Variants in RARB observed in about 807,000 individuals in gnomAD.
The protein encoded by RARB is retinoic acid receptor beta.
In RARB, 17 loss-of-function variants were observed where a neutral mutation model predicts 51.9. That is an observed-to-expected ratio of 0.33 (90% CI 0.22 to 0.49). RARB has a LOEUF of 0.49. Ranked by LOEUF, RARB falls within the 20% of genes least tolerant of loss-of-function variation. The pLI is 0.99. For missense variants in RARB, 369 were observed against 550.8 expected, an observed-to-expected ratio of 0.67 and a Z score of 3.30; for synonymous variants, 215 against 195.4, an observed-to-expected ratio of 1.10 and a Z score of -0.84.
intron 3 of RARB, among the ~76,000 whole-genome samples, chr3:25,548,972 A>G (rs1243355911): frequency 6.6e-6 from 1 of 151,948 alleles, no homozygotes; most frequent in Non-Finnish European, 1.5e-5. Flanking sequence ...AAGAGACCTG[A>G]CTCACGTTAG....
At chr3:25,586,464 G>C (rs1236358334) in intron 5 of RARB, among the ~76,000 whole-genome samples, 1 of 152,180 alleles carries the variant, frequency 6.6e-6, no homozygotes, top group African/African-American at 2.4e-5. Context: ...ATGAGCAAAT[G>C]AATTAAAAGT....
chr3:25,207,512 T>C (rs1206111277), intron 5 of RARB, among the ~76,000 whole-genome samples: 1 of 152,198 alleles, frequency 6.6e-6, no homozygotes, highest in Non-Finnish European at 1.5e-5. Flanking sequence ...AAATTGACCA[T>C]TTTTGACAAG....
chr3:25,120,563 C>CTCTT (rs66856503), intron 3 of RARB, among the ~76,000 whole-genome samples: 1 of 150,714 alleles, frequency 6.6e-6, no homozygotes, highest in African/African-American at 2.5e-5. Flanking sequence ...CTCTCTCTCT[C>CTCTT]GATATGCCTA....
intron 5 of RARB, among the ~76,000 whole-genome samples, chr3:25,332,630 C>G (rs895865703): frequency 6.6e-6 from 1 of 152,152 alleles, no homozygotes; most frequent in Non-Finnish European, 1.5e-5. Flanking sequence ...CAGGGATGAC[C>G]TCTCTCACCA....
At chr3:25,099,854 A>G (rs1341582106) in intron 3 of RARB, among the ~76,000 whole-genome samples, 3 of 152,162 alleles carry the variant, frequency 2.0e-5, no homozygotes, top group Admixed American at 6.6e-5. Context: ...TTGTGTGTGC[A>G]GTCCCCTGAC....
intron 3 of RARB, among the ~76,000 whole-genome samples, chr3:25,555,038 C>T (rs1042348905): frequency 1.6e-4 from 25 of 152,176 alleles, no homozygotes; most frequent in Admixed American, 1.6e-3. Context: ...CTCAAAACTG[C>T]CACATTGCGG....
intron 2 of RARB, among the ~76,000 whole-genome samples, chr3:24,987,128 C>T (rs547929404): frequency 6.6e-6 from 1 of 152,220 alleles, no homozygotes; most frequent in Non-Finnish European, 1.5e-5. Context: ...AAATCTTTGA[C>T]CAGTGAGTGG....
intron 5 of RARB, among the ~76,000 whole-genome samples, chr3:25,220,556 C>A (rs1213613450): frequency 6.6e-6 from 1 of 152,182 alleles, no homozygotes; most frequent in African/African-American, 2.4e-5. Flanking sequence ...GGGGCAGTTT[C>A]CGCCCTGCTG....
intron 5 of RARB, among the ~76,000 whole-genome samples, chr3:25,219,656 C>T (rs1056427247): frequency 7.2e-5 from 11 of 152,166 alleles, no homozygotes; most frequent in African/African-American, 2.7e-4. Context: ...CCCGTCTTAT[C>T]AGCATCTTCA....
At chr3:25,456,698 G>C (rs1341183958) in intron 1 of RARB, among the ~76,000 whole-genome samples, 5 of 146,978 alleles carry the variant, frequency 3.4e-5, no homozygotes, top group Non-Finnish European at 7.5e-5. Flanking sequence ...GAGAGAGAGA[G>C]AGAGAGAGAG....
chr3:25,117,401 T>C (rs1372620255), intron 3 of RARB, among the ~76,000 whole-genome samples: 1 of 152,106 alleles, frequency 6.6e-6, no homozygotes, highest in Non-Finnish European at 1.5e-5. Flanking sequence ...CATGTGCACA[T>C]ATCCAGAACA....
chr3:25,246,013 A>C (rs1305920618), intron 5 of RARB, among the ~76,000 whole-genome samples: 1 of 151,988 alleles, frequency 6.6e-6, no homozygotes, highest in Non-Finnish European at 1.5e-5. Context: ...GGCTTTGTTC[A>C]TCCCTTTCCA....
intron 5 of RARB, among the ~76,000 whole-genome samples, chr3:25,249,715 C>T (rs1702660164): frequency 8.0e-6 from 1 of 125,008 alleles, no homozygotes; most frequent in African/African-American, 3.0e-5. Context: ...CTGTAAACAA[C>T]ATCAGTAGTG....
At chr3:25,036,185 A>T (rs1032044919) in intron 2 of RARB, among the ~76,000 whole-genome samples, 1 of 152,188 alleles carries the variant, frequency 6.6e-6, no homozygotes, top group Non-Finnish European at 1.5e-5. Flanking sequence ...TAAGGGAACG[A>T]ATACCAAAGG....
intron 5 of RARB, among the ~76,000 whole-genome samples, chr3:25,351,115 A>G (rs1484841314): frequency 6.6e-6 from 1 of 152,178 alleles, no homozygotes; most frequent in Non-Finnish European, 1.5e-5. Context: ...AAACTTGGAT[A>G]TCCTTATCCT....
rs550002409 is a variant in RARB, at chr3:24,919,447, G to C, written c.-380+60695G>C. On this transcript the variant is annotated intron_variant, in intron 2 of 11. Transcript: ENST00000383772. Reference sequence around the variant, plus strand: ...TTTGGCTAATCAAAGATGGCCAACTGTTCAAACCCTGTTCAAATAAGGCAA... The same window carrying C: ...TTTGGCTAATCAAAGATGGCCAACTCTTCAAACCCTGTTCAAATAAGGCAA... Among the ~76,000 whole-genome samples, 3 of 152,218 alleles carry C rather than the reference G, an allele frequency of 2.0e-5. No individual in the cohort carries two copies. The South Asian group carries it at 6.2e-4, about 32-fold the overall frequency.
intron 3 of RARB, among the ~76,000 whole-genome samples, chr3:25,102,790 G>A (rs547528994): frequency 6.6e-6 from 1 of 152,088 alleles, no homozygotes; most frequent in Middle Eastern, 3.4e-3. Flanking sequence ...TGTGGCTCAC[G>A]CCTGTAATCC....
At chr3:25,404,665 G>A (rs574606580) in intron 5 of RARB, among the ~76,000 whole-genome samples, 17 of 152,230 alleles carry the variant, frequency 1.1e-4, no homozygotes, top group African/African-American at 3.9e-4. Flanking sequence ...GGGGCATGGC[G>A]GGGAAGAAAA....
chr3:25,565,973 G>A (rs1365167696), intron 3 of RARB, among the ~76,000 whole-genome samples: 1 of 152,146 alleles, frequency 6.6e-6, no homozygotes, highest in Non-Finnish European at 1.5e-5. Context: ...TGCAGTACTT[G>A]TATCGCCCTT....
Sources: allele counts gnomAD v4.1 joint callset (sites outside exome capture counted in the v4.1 genomes callset), GRCh38; gene constraint gnomAD v4.1.1; transcripts MANE v1.5; gene names NCBI Gene and HGNC (gene_info 2026-07-23, HGNC 2026-07-21).